Variants in SV2C observed in about 807,000 individuals in gnomAD.
SV2C encodes synaptic vesicle glycoprotein 2C, also known as solute carrier family 22 member B3.
A neutral mutation model predicts 79.7 loss-of-function variants in SV2C; 49 were observed. That is an observed-to-expected ratio of 0.61 (90% confidence interval 0.49 to 0.78). The LOEUF is 0.78. Among genes scored for constraint, SV2C ranks in the 30% least tolerant of loss-of-function variants. The probability of loss-of-function intolerance (pLI) is 0.00; values close to 1 mark genes in which losing one functional copy is unlikely to be tolerated. For synonymous variants in SV2C, 334 were observed against 333.2 expected (o/e 1.00, Z -0.03); for missense variants, 833 against 912.9 (o/e 0.91, Z 1.13).
At chr5:76,068,577 G>A in the SV2C span, among the ~76,000 whole-genome samples, 2 of 151,994 alleles carry the variant, frequency 1.3e-5, no homozygotes, top group Non-Finnish European at 2.9e-5. Flanking sequence ...TAATTGACTG[G>A]AAAGTTTTCA....
At chr5:76,001,845 G>A in the SV2C span, among the ~76,000 whole-genome samples, 1 of 152,064 alleles carries the variant, frequency 6.6e-6, no homozygotes, top group African/African-American at 2.4e-5. Flanking sequence ...GTGGTGTTCA[G>A]TTGCATGGAT....
At chr5:76,073,100 C>T in the SV2C span, among the ~76,000 whole-genome samples, 2 of 152,148 alleles carry the variant, frequency 1.3e-5, no homozygotes, top group Non-Finnish European at 2.9e-5. Context: ...TAGTTTAAGT[C>T]CCATCTATTT....
the SV2C span, among the ~76,000 whole-genome samples, chr5:75,902,396 A>T: frequency 2.6e-5 from 4 of 152,214 alleles, no homozygotes; most frequent in Non-Finnish European, 4.4e-5. Context: ...GTATGGGCCT[A>T]AGAAATGAGT....
At chr5:76,155,072 T>C (rs1489010605) in intron 2 of SV2C, among the ~76,000 whole-genome samples, 1 of 152,228 alleles carries the variant, frequency 6.6e-6, no homozygotes, top group Non-Finnish European at 1.5e-5. Flanking sequence ...TCACACTCAG[T>C]AAATTAGGAC....
chr5:75,954,277 A>G, the SV2C span, among the ~76,000 whole-genome samples: 22 of 152,118 alleles, frequency 1.4e-4, no homozygotes, highest in African/African-American at 5.3e-4. Context: ...TGTTGAAGGA[A>G]GAAAATGGCA....
the SV2C span, among the ~76,000 whole-genome samples, chr5:75,871,567 T>G: frequency 6.6e-6 from 1 of 152,196 alleles, no homozygotes; most frequent in East Asian, 1.9e-4. Flanking sequence ...CCCAGCACTT[T>G]GGGAGGCCAA....
intron 4 of SV2C, among the ~76,000 whole-genome samples, chr5:76,266,826 A>G (rs1197784832): frequency 1.3e-5 from 2 of 152,150 alleles, no homozygotes; most frequent in Admixed American, 6.5e-5. Flanking sequence ...GTTTCATGTT[A>G]TGTATATTTT....
chr5:76,096,538 C>G (rs940759320), intron 1 of SV2C, among the ~76,000 whole-genome samples: 11 of 152,120 alleles, frequency 7.2e-5, no homozygotes, highest in African/African-American at 2.2e-4. Context: ...GGTCTTTTAT[C>G]CTCCTGGGTT....
At chr5:75,945,491 T>A in the SV2C span, among the ~76,000 whole-genome samples, 1 of 151,184 alleles carries the variant, frequency 6.6e-6, no homozygotes, top group South Asian at 2.1e-4. Context: ...ATTATTATTA[T>A]TTTTTTTGGT....
intron 4 of SV2C, among the ~76,000 whole-genome samples, chr5:76,227,736 G>T (rs1212849707): frequency 2.0e-5 from 3 of 152,144 alleles, no homozygotes; most frequent in Non-Finnish European, 2.9e-5. Flanking sequence ...CCACACATCT[G>T]GTTGAGACAG....
chr5:76,060,344 G>A, the SV2C span, among the ~76,000 whole-genome samples: 28 of 152,228 alleles, frequency 1.8e-4, no homozygotes, highest in East Asian at 4.6e-3. Context: ...CTGAAAATAC[G>A]TTGTTTAGTG....
the SV2C span, among the ~76,000 whole-genome samples, chr5:75,897,493 A>G: frequency 6.6e-6 from 1 of 152,158 alleles, no homozygotes; most frequent in African/African-American, 2.4e-5. Context: ...GTTTGAAGTC[A>G]GGTAGCGTGA....
intron 2 of SV2C, among the ~76,000 whole-genome samples, chr5:76,152,911 C>G (rs1742594018): frequency 6.6e-6 from 1 of 152,192 alleles, no homozygotes; most frequent in African/African-American, 2.4e-5. Context: ...GATCATGGAT[C>G]ATATTTTTTC....
At chr5:75,966,812 A>C in the SV2C span, among the ~76,000 whole-genome samples, 2 of 152,130 alleles carry the variant, frequency 1.3e-5, no homozygotes, top group Non-Finnish European at 1.5e-5. Flanking sequence ...ACCCTCCTGG[A>C]CTAAGCCCCA....
At chr5:76,273,690 A>G (rs1412894897) in intron 4 of SV2C, among the ~76,000 whole-genome samples, 3 of 152,204 alleles carry the variant, frequency 2.0e-5, no homozygotes, top group Non-Finnish European at 4.4e-5. Flanking sequence ...ACTCGCAGGA[A>G]AGGTTGGCTT....
chr5:76,210,780 A>C (rs1472504248), intron 4 of SV2C, among the ~76,000 whole-genome samples: 1 of 152,192 alleles, frequency 6.6e-6, no homozygotes. Flanking sequence ...GCCCACCAAC[A>C]GTTGTCTCGT....
chr5:76,091,985 A>G (rs1341359281), intron 1 of SV2C, among the ~76,000 whole-genome samples: 1 of 152,220 alleles, frequency 6.6e-6, no homozygotes, highest in Non-Finnish European at 1.5e-5. Flanking sequence ...CAGCCACTGA[A>G]ATGAATGAGG....
chr5:76,200,118 T>C (rs1744392708), intron 3 of SV2C, among the ~76,000 whole-genome samples: 1 of 152,216 alleles, frequency 6.6e-6, no homozygotes, highest in Non-Finnish European at 1.5e-5. Flanking sequence ...CAGGGGCTTA[T>C]GGAAGGCAGG....
At chr5:75,955,290 G>A in the SV2C span, among the ~76,000 whole-genome samples, 1 of 149,180 alleles carries the variant, frequency 6.7e-6, no homozygotes, top group African/African-American at 2.5e-5. Flanking sequence ...AACAAGCAAT[G>A]GGGAAAGGAT....
Sources: gnomAD v4.1 joint callset for allele counts (sites outside exome capture counted in the v4.1 genomes callset) on GRCh38, gnomAD v4.1.1 for gene constraint, MANE v1.5 for transcripts, NCBI Gene and HGNC (gene_info 2026-07-23, HGNC 2026-07-21) for gene names.